Variants in DCDC1 observed in about 807,000 individuals in gnomAD.
DCDC1 encodes doublecortin domain containing 1.
In DCDC1, 200 loss-of-function variants were observed where a neutral mutation model predicts 178.3. The ratio of observed to expected loss-of-function variants is 1.12; its 90% confidence interval spans 1.00 to 1.26. The LOEUF (loss-of-function observed/expected upper bound fraction) is 1.26, where lower values mean the gene tolerates loss of function less well. DCDC1 is among the 50% of genes most tolerant of loss of function. The probability of loss-of-function intolerance (pLI) is 0.00; values close to 1 mark genes in which losing one functional copy is unlikely to be tolerated. For missense variants in DCDC1, 1,983 were observed against 1,749.2 expected (o/e 1.13, Z -2.38); for synonymous variants, 690 against 604.8 (o/e 1.14, Z -2.07).
At chr11:31,275,928 G>A (rs1467683399) in intron 7 of DCDC1, among the ~76,000 whole-genome samples, 1 of 152,208 alleles carries the variant, frequency 6.6e-6, no homozygotes, top group Non-Finnish European at 1.5e-5. Context: ...TCATAGAGAC[G>A]AGATGGTCCT....
At chr11:31,164,452 T>A (rs1287137646) in intron 9 of DCDC1, among the ~76,000 whole-genome samples, 2 of 152,168 alleles carry the variant, frequency 1.3e-5, no homozygotes, top group African/African-American at 4.8e-5. Flanking sequence ...GACCTTCTAG[T>A]GGGACAAGAT....
chr11:31,246,792 G>A (rs1282026889), intron 8 of DCDC1, among the ~76,000 whole-genome samples: 1 of 152,012 alleles, frequency 6.6e-6, no homozygotes, highest in East Asian at 1.9e-4. Context: ...TAAACTAACA[G>A]CTGCTGTGTA....
At chr11:31,228,813 A>C (rs1187280454) in intron 9 of DCDC1, among the ~76,000 whole-genome samples, 1 of 152,104 alleles carries the variant, frequency 6.6e-6, no homozygotes. Flanking sequence ...TCCTTCAAAG[A>C]TCATTAAACT....
At chr11:31,288,411 A>AT (rs1946992250) in intron 7 of DCDC1, among the ~76,000 whole-genome samples, 1 of 151,960 alleles carries the variant, frequency 6.6e-6, no homozygotes, top group Admixed American at 6.6e-5. Flanking sequence ...TAGTAAAGGA[A>AT]TATATCATTT....
Position 31,033,675 on chromosome 11 carries a change from A to G in DCDC1, c.2591+30794T>C, listed in dbSNP as rs528297998. ...AAATGAAAAAATAGTTATGCACTTT[A>G]TAACAACCATTTTAGTTAATAACAG... On this transcript the variant is annotated intron_variant, in intron 20 of 38. Coordinates refer to ENST00000684477, the MANE Select transcript of DCDC1 (RefSeq NM_001387274.1). Among the ~76,000 whole-genome samples the G allele has an allele frequency of 5.3e-5, 8 of 152,314 alleles. No homozygotes were observed. The East Asian group carries it at 1.5e-3, about 29-fold the overall frequency.
chr11:31,281,034 A>T (rs2137278955), intron 7 of DCDC1: 1 of 522,108 alleles, frequency 1.9e-6, no homozygotes, highest in Non-Finnish European at 3.7e-6. Context: ...CTCTGAAGCT[A>T]GACGTCCCAT....
Position 30,900,378 on chromosome 11 carries a change from A to C in DCDC1, c.4631T>G (p.Val1544Gly), listed in dbSNP as rs1161212310. ...LILRNPIAIW[V>G]SCGEPFLPPN... ...AGGTAGAAATGGTTCACCACAAGAC[A>C]CCCAGATGGCAATAGGATTTCTGAG... The change falls in exon 33 of 39, where the codon GTG (valine) becomes GGG (glycine). Residue 1544 changes from valine (V) to glycine (G), a missense_variant. Coordinates refer to ENST00000684477, the MANE Select transcript of DCDC1 (RefSeq NM_001387274.1). The C allele has an allele frequency of 2.5e-6, 4 of 1,570,740 alleles. No homozygotes were observed.
At chr11:30,946,969 G>A (rs899313180) in intron 21 of DCDC1, among the ~76,000 whole-genome samples, 3 of 152,054 alleles carry the variant, frequency 2.0e-5, no homozygotes, top group Admixed American at 1.3e-4. Context: ...ATCACAACAG[G>A]CTAAATTTCA....
At chr11:31,181,703 C>G (rs1206321901) in intron 9 of DCDC1, among the ~76,000 whole-genome samples, 1 of 152,036 alleles carries the variant, frequency 6.6e-6, no homozygotes, top group African/African-American at 2.4e-5. Flanking sequence ...CACAGAAAGC[C>G]CACCCTAAGG....
intron 21 of DCDC1, chr11:30,944,414 A>T (rs1947864879): frequency 1.1e-5 from 5 of 451,238 alleles, no homozygotes; most frequent in South Asian, 7.9e-5. Flanking sequence ...ATTATTATTT[A>T]TGCTTATAGT....
intron 9 of DCDC1, among the ~76,000 whole-genome samples, chr11:31,208,865 C>G (rs865845764): frequency 6.6e-6 from 1 of 152,206 alleles, no homozygotes; most frequent in African/African-American, 2.4e-5. Flanking sequence ...TCAACAAAAA[C>G]CAAACCACTA....
chr11:31,115,941 C>T (rs1959839735), intron 11 of DCDC1, among the ~76,000 whole-genome samples: 1 of 132,570 alleles, frequency 7.5e-6, no homozygotes, highest in South Asian at 2.3e-4. Flanking sequence ...AGCTCCTTTA[C>T]ACTGAGGGCA....
At chr11:31,169,379 A>G (rs947843470) in intron 9 of DCDC1, among the ~76,000 whole-genome samples, 6 of 152,206 alleles carry the variant, frequency 3.9e-5, no homozygotes, top group African/African-American at 1.4e-4. Context: ...TAAGAATAAA[A>G]TAAGTTTTAT....
chr11:31,111,170 AT>A (rs1199052217), intron 11 of DCDC1, among the ~76,000 whole-genome samples: 1 of 151,516 alleles, frequency 6.6e-6, no homozygotes. Flanking sequence ...CCTGCTTTTT[AT>A]TTTTTTTCTC....
At chr11:30,903,034 CA>C (rs772359062) in intron 32 of DCDC1, among the ~76,000 whole-genome samples, 1 of 152,006 alleles carries the variant, frequency 6.6e-6, no homozygotes, top group Non-Finnish European at 1.5e-5. Flanking sequence ...ACTTGAATGA[CA>C]GTAAAAGCAT....
intron 2 of DCDC1, among the ~76,000 whole-genome samples, chr11:31,333,820 T>G (rs1950130485): frequency 1.3e-5 from 2 of 152,158 alleles, no homozygotes; most frequent in Admixed American, 6.5e-5. Flanking sequence ...CATTTTTTCC[T>G]CCTTTCAACC....
In DCDC1 at chr11:31,343,920, A is replaced by AAAAT. The variant is rs57107732; in HGVS notation, c.-124-8360_-124-8357dup. ...GGGCAACAGAGTGAGACTCCATCTC[A>AAAAT]AAATAAATAAATAAATAAATAAATA... On this transcript the variant is annotated intron_variant, in intron 1 of 38. Coordinates refer to ENST00000684477, the MANE Select transcript of DCDC1 (RefSeq NM_001387274.1). 4.0e-3 allele frequency among the ~76,000 whole-genome samples: 598 copies of AAAAT among 149,392 alleles called. 3 individuals are homozygous for AAAAT. Among genetic ancestry groups the AAAAT allele is most frequent in the African/African-American group, 0.01 (417 of 40,374 alleles).
At chr11:31,343,164 T>C (rs1437956880) in intron 1 of DCDC1, among the ~76,000 whole-genome samples, 1 of 152,080 alleles carries the variant, frequency 6.6e-6, no homozygotes, top group Non-Finnish European at 1.5e-5. Flanking sequence ...CCTAGCTACT[T>C]GGTAGACTGA....
At chr11:31,355,457 A>G (rs1341887700) in intron 1 of DCDC1, among the ~76,000 whole-genome samples, 2 of 152,240 alleles carry the variant, frequency 1.3e-5, no homozygotes, top group Non-Finnish European at 2.9e-5. Flanking sequence ...TGTAATTGAC[A>G]TACCTCTTTT....
Sources: gnomAD v4.1 joint callset for allele counts (sites outside exome capture counted in the v4.1 genomes callset) on GRCh38, gnomAD v4.1.1 for gene constraint, MANE v1.5 for transcripts, NCBI Gene and HGNC (gene_info 2026-07-23, HGNC 2026-07-21) for gene names.